SETBP1: variants seen among roughly 807,000 people sequenced by gnomAD.
SETBP1 encodes SET-binding protein.
Under a neutral mutation model 101.0 loss-of-function variants are expected in SETBP1, and 9 were observed. That is an observed-to-expected ratio of 0.09 (90% CI 0.05 to 0.16). The LOEUF is 0.16. SETBP1 is among the 10% of genes least tolerant of loss of function. The pLI is 1.00. For synonymous variants in SETBP1, 818 were observed against 788.5 expected, an observed-to-expected ratio of 1.04 and a Z score of -0.63; for missense variants, 1,858 against 2,033.8, an observed-to-expected ratio of 0.91 and a Z score of 1.66.
At chr18:44,913,154 CT>C (rs1276858416) in intron 3 of SETBP1, among the ~76,000 whole-genome samples, 1 of 152,212 alleles carries the variant, frequency 6.6e-6, no homozygotes, top group Admixed American at 6.5e-5. Context: ...GGGAATTTTC[CT>C]TCATAAATGT....
intron 4 of SETBP1, among the ~76,000 whole-genome samples, chr18:44,967,455 A>C (rs1177413804): frequency 6.6e-6 from 1 of 152,248 alleles, no homozygotes; most frequent in African/African-American, 2.4e-5. Flanking sequence ...TCATTGTTGT[A>C]ACAAACCACA....
At chr18:44,838,107 G>T (rs976085820) in intron 2 of SETBP1, among the ~76,000 whole-genome samples, 20 of 152,152 alleles carry the variant, frequency 1.3e-4, no homozygotes, top group African/African-American at 4.6e-4. Flanking sequence ...AAGTCCTTCA[G>T]CCTGGAGCAG....
At chr18:44,990,064 A>C (rs2072332954) in intron 4 of SETBP1, among the ~76,000 whole-genome samples, 1 of 151,942 alleles carries the variant, frequency 6.6e-6, no homozygotes, top group African/African-American at 2.4e-5. Context: ...TATAAAGAAA[A>C]ATAACTTGTG....
intron 2 of SETBP1, among the ~76,000 whole-genome samples, chr18:44,810,083 AGTG>A (rs1320907322): frequency 2.6e-5 from 4 of 152,198 alleles, no homozygotes; most frequent in Non-Finnish European, 5.9e-5. Context: ...AAAGTAAAGC[AGTG>A]GGGAGCTCTT....
intron 2 of SETBP1, among the ~76,000 whole-genome samples, chr18:44,859,689 CAGA>C (rs1342463451): frequency 2.6e-4 from 39 of 152,158 alleles, no homozygotes; most frequent in Non-Finnish European, 1.5e-5. Flanking sequence ...GGTCCTGAGA[CAGA>C]AGAACAGGCA....
intron 2 of SETBP1, among the ~76,000 whole-genome samples, chr18:44,734,381 T>G (rs1352771169): frequency 6.6e-6 from 1 of 152,248 alleles, no homozygotes; most frequent in East Asian, 1.9e-4. Flanking sequence ...CCAGCTCTCC[T>G]GTATATTCTG....
intron 4 of SETBP1, among the ~76,000 whole-genome samples, chr18:45,005,279 A>G (rs1403647447): frequency 6.6e-6 from 1 of 152,200 alleles, no homozygotes; most frequent in Non-Finnish European, 1.5e-5. Flanking sequence ...ACTCACCACA[A>G]GGTAAGTGAA....
intron 4 of SETBP1, among the ~76,000 whole-genome samples, chr18:44,980,891 G>C (rs1006143468): frequency 2.0e-5 from 3 of 152,190 alleles, no homozygotes; most frequent in Admixed American, 6.5e-5. Flanking sequence ...TCATGGACAG[G>C]CTGTTGGTTT....
intron 4 of SETBP1, among the ~76,000 whole-genome samples, chr18:44,966,796 T>C (rs1169566346): frequency 6.6e-6 from 1 of 152,194 alleles, no homozygotes; most frequent in Non-Finnish European, 1.5e-5. Context: ...ATTTGGATGC[T>C]AAATATCCCA....
chr18:44,688,862 C>T (rs947357053), intron 1 of SETBP1, among the ~76,000 whole-genome samples: 4 of 152,186 alleles, frequency 2.6e-5, no homozygotes, highest in South Asian at 2.1e-4. Context: ...AGCTCTATTA[C>T]GACTGGTGTT....
intron 5 of SETBP1, among the ~76,000 whole-genome samples, chr18:45,053,765 A>G (rs915049785): frequency 3.0e-4 from 46 of 151,566 alleles, no homozygotes; most frequent in Non-Finnish European, 5.6e-4. Context: ...TCTTCCCTCT[A>G]TTTTTTTTCA....
chr18:44,961,287 T>A (rs907195400), intron 4 of SETBP1, among the ~76,000 whole-genome samples: 1 of 152,178 alleles, frequency 6.6e-6, no homozygotes, highest in Non-Finnish European at 1.5e-5. Context: ...ATGCAGAGTT[T>A]ATGGAGGATG....
At chr18:45,055,336 A>G (rs1230137964) in intron 5 of SETBP1, among the ~76,000 whole-genome samples, 1 of 152,224 alleles carries the variant, frequency 6.6e-6, no homozygotes, top group Non-Finnish European at 1.5e-5. Context: ...AATACATACT[A>G]AAAATATGTG....
At chr18:44,722,184 T>G (rs1165307698) in intron 2 of SETBP1, among the ~76,000 whole-genome samples, 2 of 152,204 alleles carry the variant, frequency 1.3e-5, no homozygotes, top group Admixed American at 6.5e-5. Context: ...GGTATGACAT[T>G]GACATAGATG....
At position 44,833,208 on chromosome 18, in the gene SETBP1, T is replaced by C. The variant is rs112190055; in HGVS notation, c.487-36022T>C. Among the ~76,000 whole-genome samples the C allele has an allele frequency of 2.0e-3, 299 of 152,372 alleles. 2 individuals carry two copies. The highest frequency in any genetic ancestry group is 3.1e-3 in the Admixed American group (48 of 15,312). Reference sequence around the variant, plus strand: ...GCCTCACCTGGGATCTTCTGATTTATGCTGGAGGTGGGGCTCAGCCCTCCA... The same window carrying C: ...GCCTCACCTGGGATCTTCTGATTTACGCTGGAGGTGGGGCTCAGCCCTCCA... On this transcript the variant is annotated intron_variant, in intron 2 of 5. Transcript: ENST00000649279.
intron 2 of SETBP1, among the ~76,000 whole-genome samples, chr18:44,789,673 G>T (rs1225853188): frequency 2.0e-5 from 3 of 152,156 alleles, no homozygotes; most frequent in East Asian, 3.9e-4. Context: ...AACAGTAAAA[G>T]ATTTTATTTT....
At chr18:44,976,077 C>T (rs1325894040) in intron 4 of SETBP1, among the ~76,000 whole-genome samples, 1 of 21,972 alleles carries the variant, frequency 4.6e-5, no homozygotes, top group Non-Finnish European at 1.1e-4. Flanking sequence ...GAGGGATACA[C>T]ACACACACAC....
chr18:44,865,253 T>C (rs539514649), intron 2 of SETBP1, among the ~76,000 whole-genome samples: 4 of 152,338 alleles, frequency 2.6e-5, no homozygotes, highest in South Asian at 4.1e-4. Context: ...TTTTAAGGTA[T>C]GTTTTAGTAC....
intron 3 of SETBP1, among the ~76,000 whole-genome samples, chr18:44,905,378 G>A (rs947703839): frequency 2.6e-5 from 4 of 152,154 alleles, no homozygotes; most frequent in Non-Finnish European, 1.5e-5. Context: ...AGCTTGAATG[G>A]TGACTCCCAT....
Sources: gnomAD v4.1 joint callset for allele counts (sites outside exome capture counted in the v4.1 genomes callset) on GRCh38, gnomAD v4.1.1 for gene constraint, MANE v1.5 for transcripts, NCBI Gene and HGNC (gene_info 2026-07-23, HGNC 2026-07-21) for gene names.